Variants in OSBPL8 observed in about 807,000 individuals in gnomAD.
OSBPL8 encodes the protein oxysterol binding protein like 8.
In OSBPL8, 59 loss-of-function variants were observed where a neutral mutation model predicts 125.5. That is an observed-to-expected ratio of 0.47 (90% CI 0.38 to 0.58). The LOEUF is 0.58. Among genes scored for constraint, OSBPL8 ranks in the 20% least tolerant of loss-of-function variants. The probability of loss-of-function intolerance (pLI) is 0.00; values close to 1 mark genes in which losing one functional copy is unlikely to be tolerated. For missense variants in OSBPL8, 758 were observed against 1,047.8 expected, an observed-to-expected ratio of 0.72 and a Z score of 3.82; for synonymous variants, 330 against 338.9, an observed-to-expected ratio of 0.97 and a Z score of 0.29.
chr12:76,472,580 T>C (rs1592743236), intron 2 of OSBPL8, among the ~76,000 whole-genome samples: 1 of 151,638 alleles, frequency 6.6e-6, no homozygotes, highest in Non-Finnish European at 1.5e-5. Flanking sequence ...GGGTAAGGAG[T>C]GTGAGCCATC....
intron 1 of OSBPL8, among the ~76,000 whole-genome samples, chr12:76,547,075 G>A (rs1281505115): frequency 6.6e-6 from 1 of 152,178 alleles, no homozygotes; most frequent in South Asian, 2.1e-4. Context: ...AATCTGGCGT[G>A]TAAAAACCTC....
chr12:76,494,754 A>C (rs146938229), intron 1 of OSBPL8, among the ~76,000 whole-genome samples: 1 of 152,164 alleles, frequency 6.6e-6, no homozygotes, highest in African/African-American at 2.4e-5. Flanking sequence ...GATAACCAAA[A>C]ATTAGAAGTT....
intron 4 of OSBPL8, among the ~76,000 whole-genome samples, chr12:76,435,273 T>C (rs1392414189): frequency 1.3e-5 from 2 of 151,984 alleles, no homozygotes; most frequent in Non-Finnish European, 1.5e-5. Context: ...CTGGAGGACA[T>C]TATGCTAAGT....
At chr12:76,554,278 A>C (rs982314619) in intron 1 of OSBPL8, among the ~76,000 whole-genome samples, 1 of 152,244 alleles carries the variant, frequency 6.6e-6, no homozygotes, top group Non-Finnish European at 1.5e-5. Context: ...ATCTTCTTAT[A>C]AAGTAAAGTG....
At chr12:76,413,464 A>C (rs1023186293) in intron 4 of OSBPL8, among the ~76,000 whole-genome samples, 1 of 152,206 alleles carries the variant, frequency 6.6e-6, no homozygotes, top group African/African-American at 2.4e-5. Context: ...TGCTATGAAT[A>C]TTCTTGGAAA....
chr12:76,455,251 A>C (rs1306585879), intron 3 of OSBPL8, among the ~76,000 whole-genome samples: 3 of 152,088 alleles, frequency 2.0e-5, no homozygotes, highest in Non-Finnish European at 4.4e-5. Flanking sequence ...TAAAAAAAAA[A>C]AAAGCAGCAG....
chr12:76,378,083 T>C (rs1952898100), intron 16 of OSBPL8, among the ~76,000 whole-genome samples: 1 of 152,140 alleles, frequency 6.6e-6, no homozygotes, highest in Non-Finnish European at 1.5e-5. Flanking sequence ...TAAAAAATAG[T>C]AAATTAAAAT....
intron 22 of OSBPL8, among the ~76,000 whole-genome samples, chr12:76,357,197 A>C (rs952606727): frequency 6.6e-6 from 1 of 152,138 alleles, no homozygotes; most frequent in Non-Finnish European, 1.5e-5. Flanking sequence ...AATTCCCTAC[A>C]TATGCATTCC....
At chr12:76,472,059 A>C (rs1377886414) in intron 2 of OSBPL8, among the ~76,000 whole-genome samples, 3 of 152,218 alleles carry the variant, frequency 2.0e-5, no homozygotes, top group Admixed American at 6.5e-5. Flanking sequence ...AACGCTAAAC[A>C]CATAATGCCC....
chr12:76,506,991 T>C (rs1880483508), intron 1 of OSBPL8, among the ~76,000 whole-genome samples: 1 of 148,990 alleles, frequency 6.7e-6, no homozygotes, highest in South Asian at 2.1e-4. Flanking sequence ...CTTCTGTTAA[T>C]TTTTTAAAAG....
intron 1 of OSBPL8, among the ~76,000 whole-genome samples, chr12:76,523,029 G>A (rs1440717868): frequency 3.3e-5 from 5 of 151,972 alleles, no homozygotes; most frequent in African/African-American, 7.2e-5. Flanking sequence ...GTAGAGACGG[G>A]GTCTTGCCCT....
chr12:76,499,679 C>T (rs1339251589), intron 1 of OSBPL8, among the ~76,000 whole-genome samples: 1 of 152,018 alleles, frequency 6.6e-6, no homozygotes, highest in African/African-American at 2.4e-5. Flanking sequence ...GTTGAAACCT[C>T]GTCTCTACTA....
intron 4 of OSBPL8, among the ~76,000 whole-genome samples, chr12:76,433,256 G>C (rs1005827974): frequency 9.9e-5 from 15 of 152,026 alleles, no homozygotes; most frequent in African/African-American, 3.1e-4. Context: ...GAAATAAAAG[G>C]TGTCCAACAG....
At chr12:76,356,141 T>G in intron 23 of OSBPL8, 120 bp from the exon 24 acceptor site, 1 of 211,382 alleles carries the variant, frequency 4.7e-6, no homozygotes, top group Non-Finnish European at 7.2e-6. Flanking sequence ...AGTTGCTGGG[T>G]CATGGGGTGG....
intron 1 of OSBPL8, among the ~76,000 whole-genome samples, chr12:76,528,798 G>T (rs2137319159): frequency 6.6e-6 from 1 of 152,208 alleles, no homozygotes; most frequent in South Asian, 2.1e-4. Flanking sequence ...AGGTTGCAGT[G>T]AGCTATAATG....
At chr12:76,504,339 A>C (rs1483345913) in intron 1 of OSBPL8, among the ~76,000 whole-genome samples, 3 of 152,170 alleles carry the variant, frequency 2.0e-5, no homozygotes, top group Admixed American at 1.3e-4. Context: ...TATAGGTATA[A>C]ATAAATTTAT....
chr12:76,367,467 A>T (rs1223106759), intron 21 of OSBPL8, among the ~76,000 whole-genome samples: 1 of 152,056 alleles, frequency 6.6e-6, no homozygotes, highest in East Asian at 1.9e-4. Flanking sequence ...TCTAAAGTGA[A>T]TCTCTTGTAC....
chr12:76,361,921 T>C (rs1052458931), intron 21 of OSBPL8, among the ~76,000 whole-genome samples: 2 of 152,192 alleles, frequency 1.3e-5, no homozygotes, highest in Non-Finnish European at 2.9e-5. Flanking sequence ...CACAAGGTAA[T>C]GTTCATGCTT....
chr12:76,465,251 C>T (rs1409653636), intron 2 of OSBPL8, among the ~76,000 whole-genome samples: 3 of 152,104 alleles, frequency 2.0e-5, no homozygotes, highest in Admixed American at 2.0e-4. Context: ...ATAAGGGGAT[C>T]ATACAAAATG....
Sources: gnomAD v4.1 joint callset for allele counts (sites outside exome capture counted in the v4.1 genomes callset) on GRCh38, gnomAD v4.1.1 for gene constraint, MANE v1.5 for transcripts, NCBI Gene and HGNC (gene_info 2026-07-23, HGNC 2026-07-21) for gene names.